The following ZNF326 variants were observed in gnomAD, a reference collection of about 807,000 sequenced individuals.
ZNF326 encodes the protein zinc finger protein 326, also known as DBIRD complex subunit ZNF326.
A neutral mutation model predicts 63.1 loss-of-function variants in ZNF326; 30 were observed. That is an observed-to-expected ratio of 0.48 (90% CI 0.36 to 0.64). ZNF326 has a LOEUF of 0.64. Among genes scored for constraint, ZNF326 ranks in the 30% least tolerant of loss-of-function variants. ZNF326 has a pLI of 0.00. For missense variants in ZNF326, 609 were observed against 720.3 expected, an observed-to-expected ratio of 0.85 and a Z score of 1.77; for synonymous variants, 194 against 228.2, an observed-to-expected ratio of 0.85 and a Z score of 1.35.
At chr1:89,997,196 A>T (rs565651876) in intron 1 of ZNF326, among the ~76,000 whole-genome samples, 95 of 152,200 alleles carry the variant, frequency 6.2e-4, no homozygotes, top group Non-Finnish European at 1.2e-3. Context: ...CCAGATGACC[A>T]CTATATTAAA....
rs1412620628 is a variant in ZNF326 at position 90,022,335 on chromosome 1, G to T, written c.1391G>T (p.Arg464Leu). The change falls in exon 11 of 12, where the codon CGT becomes CTT. Residue 464 changes from arginine (R) to leucine (L), a missense_variant. Around this residue, in one of 3 missense-constraint regions of ZNF326, gnomAD observed 399 missense variants for 444.3 expected, o/e 0.90. Transcript: ENST00000340281. ...CCAATAGTGAAGGCGCGATATGAACGTTTTGTTAAGGTAAGATTTTAGGGC... is the reference window on the plus strand; with the variant it reads ...CCAATAGTGAAGGCGCGATATGAACTTTTTGTTAAGGTAAGATTTTAGGGC... The part of the protein sequence containing the change: ...NNPIVKARYE[R>L]FVKGENPFEI... 6.2e-7 allele frequency: 1 copy of T among 1,611,440 alleles called. No homozygotes were observed. Among genetic ancestry groups the T allele is most frequent in the South Asian group, 1.1e-5 (1 of 90,518 alleles).
intron 2 of ZNF326, among the ~76,000 whole-genome samples, chr1:90,002,406 A>G (rs775313359): frequency 6.6e-6 from 1 of 152,216 alleles, no homozygotes; most frequent in Non-Finnish European, 1.5e-5. Context: ...TCAAAATAGA[A>G]ACTAGCAGAA....
At chr1:90,026,329 A>G (rs1436884945) in intron 11 of ZNF326, among the ~76,000 whole-genome samples, 1 of 151,500 alleles carries the variant, frequency 6.6e-6, no homozygotes, top group East Asian at 1.9e-4. Context: ...CCTTTTTTCT[A>G]CTTAATCCAC....
At chr1:90,022,688 T>A (rs1032941923) in intron 11 of ZNF326, among the ~76,000 whole-genome samples, 1 of 152,174 alleles carries the variant, frequency 6.6e-6, no homozygotes, top group Non-Finnish European at 1.5e-5. Context: ...AATATTTCAT[T>A]TCTGAATTAG....
chr1:90,017,660 A>T (rs1649567008), intron 8 of ZNF326, among the ~76,000 whole-genome samples, 196 bp downstream of exon 8: 1 of 152,174 alleles, frequency 6.6e-6, no homozygotes, highest in African/African-American at 2.4e-5. Context: ...TATTTCAGAA[A>T]TTATTACATT....
At chr1:90,018,395 T>G (rs1466656012) in intron 8 of ZNF326, among the ~76,000 whole-genome samples, 1 of 152,188 alleles carries the variant, frequency 6.6e-6, no homozygotes, top group Non-Finnish European at 1.5e-5. Context: ...TGGGTTTCTG[T>G]GTGTCCTTTA....
At chr1:90,019,123 C>A (rs1425288573) in intron 9 of ZNF326, among the ~76,000 whole-genome samples, 1 of 151,646 alleles carries the variant, frequency 6.6e-6, no homozygotes, top group Non-Finnish European at 1.5e-5. Flanking sequence ...CTTTTGATTC[C>A]ATCTCTGGAG....
chr1:90,006,186 A>C, intron 4 of ZNF326: 1 of 985,432 alleles, frequency 1.0e-6, no homozygotes, highest in South Asian at 4.7e-5. Context: ...AACAGTTGCA[A>C]CTATTTTGCT....
At chr1:90,015,676 T>C (rs536654498) in intron 7 of ZNF326, among the ~76,000 whole-genome samples, 1 of 152,150 alleles carries the variant, frequency 6.6e-6, no homozygotes, top group East Asian at 1.9e-4. Context: ...AGCAAGACTC[T>C]GTCTCAAAAA....
intron 9 of ZNF326, among the ~76,000 whole-genome samples, chr1:90,020,423 C>T (rs1252448775): frequency 1.3e-5 from 2 of 152,088 alleles, no homozygotes; most frequent in East Asian, 1.9e-4. Context: ...CCAGTTTTGA[C>T]ATCCTTTCCC....
At chr1:90,015,355 A>G (rs1649453936) in intron 7 of ZNF326, among the ~76,000 whole-genome samples, 2 of 152,176 alleles carry the variant, frequency 1.3e-5, no homozygotes, top group African/African-American at 4.8e-5. Context: ...CCAGGAGTAC[A>G]ATGTAGTCTC....
In ZNF326 at chr1:89,997,093, C is replaced by T. The variant is rs993562088; in HGVS notation, c.17-1017C>T. 1.2e-4 allele frequency among the ~76,000 whole-genome samples: 18 copies of T among 152,174 alleles called. 1 individual carries two copies. Among genetic ancestry groups the T allele is most frequent in the African/African-American group, 4.3e-4 (18 of 41,440 alleles). On this transcript the variant is annotated intron_variant, in intron 1 of 11. Coordinates refer to ENST00000340281, the MANE Select transcript of ZNF326 (RefSeq NM_182976.4). Reference sequence around the variant, plus strand: ...TGATGAAATACGCCCTGTCTCACTGCCCAAATATACCACTGCTGTATTTGG... The same window carrying T: ...TGATGAAATACGCCCTGTCTCACTGTCCAAATATACCACTGCTGTATTTGG...
At position 90,027,455 on chromosome 1, in the gene ZNF326, G is replaced by A. The variant is rs767300359; in HGVS notation, c.1503G>A (p.Glu501=). The A allele has an allele frequency of 2.5e-6, 4 of 1,613,384 alleles. No individual in the cohort carries two copies. The highest frequency in any genetic ancestry group is 3.3e-5 in the Admixed American group (2 of 59,954). The change falls in exon 12 of 12, where the codon GAG becomes GAA. Residue 501 remains glutamate, a synonymous_variant. Transcript: ENST00000340281. ...TTGATGAACCTATTGAAGAAGAGGA[G>A]GATGAAGATGAGGAAGAAGAAGCAG... is the stretch of plus-strand genomic sequence containing the variant. ...EKIDEPIEEE[E]DEDEEEEAEE...
intron 2 of ZNF326, among the ~76,000 whole-genome samples, chr1:90,001,138 C>T (rs1648655112): frequency 6.6e-6 from 1 of 152,062 alleles, no homozygotes; most frequent in Admixed American, 6.5e-5. Flanking sequence ...CTATAATATG[C>T]CAGATGTCAG....
At chr1:90,003,017 GT>G (rs1332776834) in intron 2 of ZNF326, among the ~76,000 whole-genome samples, 1 of 152,156 alleles carries the variant, frequency 6.6e-6, no homozygotes, top group African/African-American at 2.4e-5. Context: ...CAAGCTCAAG[GT>G]GGTAGATACA....
Position 90,018,775 on chromosome 1 carries a change from G to C in ZNF326, c.1165G>C (p.Val389Leu). The C allele has an allele frequency of 6.6e-7, 1 of 1,517,514 alleles. No homozygotes were observed. The highest frequency in any genetic ancestry group is 9.0e-7 in the Non-Finnish European group (1 of 1,114,218). The allele number at this position is 1,517,514 out of a possible 1,614,324, so 94.0% of individuals were successfully genotyped here. The part of the protein sequence containing the change: ...TEVVKIIEKD[V>L]MEGVTVDDHM... ...AGTAGTTAAAATAATTGAAAAAGATGTTATGGAAGGTAAGTATTTAAAACA... is the reference window on the plus strand; with the variant it reads ...AGTAGTTAAAATAATTGAAAAAGATCTTATGGAAGGTAAGTATTTAAAACA... The change falls in exon 9 of 12, where the codon GTT becomes CTT. Residue 389 changes from valine to leucine, a missense_variant. By Grantham distance (32) the Val-to-Leu change is conservative. This residue lies in a region of ZNF326 where 399 missense variants were observed against 444.3 expected (regional missense o/e 0.90). Coordinates refer to ENST00000340281, the MANE Select transcript of ZNF326 (RefSeq NM_182976.4).
rs1236509966 is a variant in ZNF326, at chr1:90,028,672, A to G, written c.*971A>G. On this transcript the variant is annotated 3_prime_UTR_variant, in exon 12 of 12. Coordinates refer to ENST00000340281, the MANE Select transcript of ZNF326 (RefSeq NM_182976.4). The stretch of plus-strand genomic sequence containing the variant: ...AAAAATTCCTTTTTATGGCTTATAT[A>G]CCTACATATTTAAAAAGAGAACATG... The G allele has an allele frequency of 6.6e-6, 1 of 152,178 alleles. No homozygotes were observed. The highest frequency in any genetic ancestry group is 1.5e-5 in the Non-Finnish European group (1 of 68,036). The allele number at this position is 152,178 out of a possible 1,614,324, so 9.4% of individuals were successfully genotyped here.
intron 2 of ZNF326, among the ~76,000 whole-genome samples, chr1:90,001,146 C>T (rs1439746728): frequency 1.3e-5 from 2 of 152,112 alleles, no homozygotes; most frequent in Non-Finnish European, 2.9e-5. Context: ...TGCCAGATGT[C>T]AGTAGCATCT....
Position 90,032,602 on chromosome 1 carries a change from A to T in ZNF326, c.*4901A>T, listed in dbSNP as rs1429909197. 6 of 152,244 alleles carry T rather than the reference A, an allele frequency of 3.9e-5. No individual in the cohort carries two copies. Among genetic ancestry groups the T allele is most frequent in the Non-Finnish European group, 8.8e-5 (6 of 68,040 alleles). The allele number at this position is 152,244 out of a possible 1,614,324, so 9.4% of individuals were successfully genotyped here. On this transcript the variant is annotated 3_prime_UTR_variant, in exon 12 of 12. Transcript: ENST00000340281. Reference sequence around the variant, plus strand: ...TCTAGAAGATACAAAACAAGGAATTAGATCTTGGTGAAACCAAGAGAGCCA... The same window carrying T: ...TCTAGAAGATACAAAACAAGGAATTTGATCTTGGTGAAACCAAGAGAGCCA...
Sources: gnomAD v4.1 joint callset for allele counts (sites outside exome capture counted in the v4.1 genomes callset) on GRCh38, gnomAD v4.1.1 for gene constraint, gnomAD v4.1.1 regional missense constraint, MANE v1.5 for transcripts, NCBI Gene and HGNC (gene_info 2026-07-23, HGNC 2026-07-21) for gene names.